The following HNRNPDL variants were observed in gnomAD, a reference collection of about 807,000 sequenced individuals.
HNRNPDL encodes heterogeneous nuclear ribonucleoprotein D-like.
Under a neutral mutation model 48.0 loss-of-function variants are expected in HNRNPDL, and 18 were observed. The ratio of observed to expected loss-of-function variants is 0.38; its 90% CI spans 0.26 to 0.56. The LOEUF (loss-of-function observed/expected upper bound fraction) is 0.56. Among genes scored for constraint, HNRNPDL ranks in the 20% least tolerant of loss-of-function variants. The probability of loss-of-function intolerance (pLI) is 0.77; values close to 1 mark genes in which losing one functional copy is unlikely to be tolerated. For missense variants in HNRNPDL, 553 were observed against 540.7 expected, an observed-to-expected ratio of 1.02 and a Z score of -0.23; for synonymous variants, 306 against 207.3, an observed-to-expected ratio of 1.48 and a Z score of -4.09.
Position 82,429,755 on chromosome 4 carries a change from A to C in HNRNPDL, c.-65T>G. Reference sequence around the variant, plus strand: ...GACGCGGGCTTGGGAGAAGAGAAGAATCAGAAGAGAAAAACGAAGGGGCGT... The same window carrying C: ...GACGCGGGCTTGGGAGAAGAGAAGACTCAGAAGAGAAAAACGAAGGGGCGT... On this transcript the variant is annotated 5_prime_UTR_variant, in exon 1 of 8. Coordinates refer to ENST00000295470, the MANE Select transcript of HNRNPDL (RefSeq NM_031372.4). The C allele has an allele frequency of 8.2e-7, 1 of 1,219,080 alleles. No individual in the cohort carries two copies. Among genetic ancestry groups the C allele is most frequent in the Non-Finnish European group, 1.1e-6 (1 of 949,504 alleles). The allele number at this position is 1,219,080 out of a possible 1,614,324, so 75.5% of individuals were successfully genotyped here. A position where few individuals can be genotyped will look rare whatever the true frequency, so the allele number is the denominator to read the frequency against.
rs1402218615 is a variant in HNRNPDL at position 82,429,605 on chromosome 4, T to C, written c.86A>G (p.His29Arg). The C allele has an allele frequency of 3.0e-6, 4 of 1,321,598 alleles. No homozygotes were observed. The East Asian group carries it at 1.0e-4, about 34-fold the overall frequency. 81.9% of individuals were successfully genotyped at this position (1,321,598 alleles called of 1,614,324 possible). A position where few individuals can be genotyped will look rare whatever the true frequency, so the allele number is the denominator to read the frequency against. ...CTGCCGCGGCGGCCGCGGCCGCCAA[T>C]GGGAGAGGCTGCGGGAGGCTAAAGT... Reference protein sequence around the residue: ...PATLASRSLSHWRPRPPRQLA... With the variant: ...PATLASRSLSRWRPRPPRQLA... Residue 29 changes from histidine to arginine, a missense_variant, in exon 1 of 8, where the codon CAT (histidine) becomes CGT (arginine). Around this residue, in one of 4 missense-constraint regions of HNRNPDL, gnomAD observed 327 missense variants for 203.2 expected, o/e 1.61. Transcript: ENST00000295470.
rs1405192518 is a variant in HNRNPDL, at chr4:82,430,230, G to T, written c.-540C>A. On this transcript the variant is annotated 5_prime_UTR_variant, in exon 1 of 8. Transcript: ENST00000295470. ...GCCCGGGCCCCGCGCGGCCTCTGGC[G>T]GGCTGACGCCGGGAGGAGGGGCGGG... 2.0e-5 allele frequency: 3 copies of T among 152,380 alleles called. No individual in the cohort carries two copies. The highest frequency in any genetic ancestry group is 4.4e-5 in the Non-Finnish European group (3 of 68,244). The allele number at this position is 152,380 out of a possible 1,614,324, so 9.4% of individuals were successfully genotyped here.
Position 82,427,187 on chromosome 4 carries a change from C to T in HNRNPDL, c.1021+3G>A, listed in dbSNP as rs760992923. 7 of 1,588,320 alleles carry T rather than the reference C, an allele frequency of 4.4e-6. No individual in the cohort carries two copies. The highest frequency in any genetic ancestry group is 6.1e-6 in the Non-Finnish European group (7 of 1,156,742). ...GAGTCATATTTCAAGAATTAAGTCT[C>T]ACCTCGGCCACGACCCCTCGTACCA... On this transcript the variant is annotated splice_donor_region_variant and intron_variant, in intron 5 of 7. Transcript: ENST00000295470.
At chr4:82,427,155 A>C (rs1178634743) in intron 5 of HNRNPDL, 35 bp downstream of exon 5, 3 of 1,352,858 alleles carry the variant, frequency 2.2e-6, no homozygotes, top group Admixed American at 3.4e-5. Context: ...AGCTTAAATA[A>C]ACCACGGAGT....
chr4:82,427,990 C>CTTA (rs770701262), intron 3 of HNRNPDL, 28 bp downstream of exon 3: 1 of 1,601,350 alleles, frequency 6.2e-7, no homozygotes, highest in Non-Finnish European at 8.5e-7. Context: ...ACACATCAAG[C>CTTA]TTAACATGTG....
Position 82,427,500 on chromosome 4 carries a change from G to C in HNRNPDL, c.839C>G (p.Thr280Arg), listed in dbSNP as rs1721465038. 1.2e-6 allele frequency: 2 copies of C among 1,609,766 alleles called. No individual in the cohort carries two copies. Among genetic ancestry groups the C allele is most frequent in the African/African-American group, 2.7e-5 (2 of 74,886 alleles). ...TNERRGFCFI[T>R]YTDEEPVKKL... is the part of the protein sequence containing the mutation. ...TTTTACTGGCTCTTCATCAGTATATGTGATAAAACAAAATCCTCTTCTTTC... is the reference window on the plus strand; with the variant it reads ...TTTTACTGGCTCTTCATCAGTATATCTGATAAAACAAAATCCTCTTCTTTC... The change falls in exon 4 of 8, where the codon ACA (threonine) becomes AGA (arginine). Residue 280 changes from threonine (T) to arginine (R), a missense_variant. This residue lies in a region of HNRNPDL where 174 missense variants were observed against 204.6 expected (regional missense o/e 0.85). Coordinates refer to ENST00000295470, the MANE Select transcript of HNRNPDL (RefSeq NM_031372.4).
intron 1 of HNRNPDL, 24 bp downstream of exon 1, chr4:82,429,224 A>G (rs1284284092): frequency 1.9e-6 from 3 of 1,598,350 alleles, no homozygotes; most frequent in South Asian, 1.1e-5. Flanking sequence ...GGGGAGGGGG[A>G]GCGGGGGAAG....
intron 1 of HNRNPDL, among the ~76,000 whole-genome samples, chr4:82,428,681 A>G (rs949713706): frequency 1.3e-5 from 2 of 152,218 alleles, no homozygotes; most frequent in Non-Finnish European, 2.9e-5. Context: ...AGAGACCAAT[A>G]AAATACAGTA....
intron 7 of HNRNPDL, 125 bp from the exon 8 acceptor site, chr4:82,425,008 T>C (rs1721360849): frequency 1.3e-5 from 2 of 152,348 alleles, no homozygotes; most frequent in African/African-American, 4.8e-5. Flanking sequence ...CATATGCATA[T>C]TTATTGGTAA....
Position 82,427,311 on chromosome 4 carries a change from AC to A in HNRNPDL, c.907-8del, listed in dbSNP as rs527520007. 747 of 1,568,724 alleles carry A rather than the reference AC, an allele frequency of 4.8e-4. 1 individual carries two copies. In the African/African-American group the frequency reaches 8.9e-3, roughly 19 times the overall value. ...GTGCAACTTTGATTTCACACTATAA[AC>A]AAAAAACATGAAAGTATAATTTTTA... On this transcript the variant is annotated splice_polypyrimidine_tract_variant and splice_region_variant and intron_variant, in intron 4 of 7. Transcript: ENST00000295470.
intron 1 of HNRNPDL, among the ~76,000 whole-genome samples, chr4:82,429,018 A>T (rs1485282484): frequency 6.6e-6 from 1 of 151,124 alleles, no homozygotes; most frequent in Non-Finnish European, 1.5e-5. Context: ...CGGGACACAG[A>T]CGCCGCCGCC....
intron 3 of HNRNPDL, 38 bp from the exon 4 acceptor site, chr4:82,427,602 T>C: frequency 6.3e-7 from 1 of 1,596,570 alleles, no homozygotes; most frequent in South Asian, 1.1e-5. Flanking sequence ...ATCCCATAAT[T>C]GTAAAACGTT....
At chr4:82,427,153 T>C in intron 5 of HNRNPDL, 37 bp downstream of exon 5, 1 of 1,342,876 alleles carries the variant, frequency 7.4e-7, no homozygotes, top group Non-Finnish European at 1.1e-6. Flanking sequence ...ACAGCTTAAA[T>C]AAACCACGGA....
At position 82,429,452 on chromosome 4, in the gene HNRNPDL, C is replaced by T; in HGVS notation, c.239G>A (p.Arg80Lys). Residue 80 changes from arginine (R) to lysine (K), a missense_variant, in exon 1 of 8, where the codon AGG becomes AAG. Arg to Lys is a conservative substitution (Grantham distance 26). Transcript: ENST00000295470. Reference protein sequence around the residue: ...AGGAAIKGGRRRRPDLFRRHF... With the variant: ...AGGAAIKGGRKRRPDLFRRHF... ...GCGGCGGAAGAGATCCGGGCGCCGC[C>T]TGCGCCCTCCCTTTATAGCCGCCCC... 5 of 1,606,786 alleles carry T rather than the reference C, an allele frequency of 3.1e-6. No homozygotes were observed. Among genetic ancestry groups the T allele is most frequent in the Non-Finnish European group, 4.2e-6 (5 of 1,176,762 alleles).
rs1352181388 is a variant in HNRNPDL, at chr4:82,429,274, G to A, written c.417C>T (p.Asn139=). The change falls in exon 1 of 8, where the codon AAC becomes AAT. Residue 139 remains asparagine, a synonymous_variant. Coordinates refer to ENST00000295470, the MANE Select transcript of HNRNPDL (RefSeq NM_031372.4). ...CGTCATCCTGCTGATTCTTGCTCGC[G>A]TTGATCTTGGATCCCTCTGCGAATT... ...IEEFAEGSKI[N]ASKNQQDDGK... 5 of 1,613,682 alleles carry A rather than the reference G, an allele frequency of 3.1e-6. No homozygotes were observed. Among genetic ancestry groups the A allele is most frequent in the Non-Finnish European group, 4.2e-6 (5 of 1,179,910 alleles).
At chr4:82,426,871 G>A (rs750513951) in intron 5 of HNRNPDL, among the ~76,000 whole-genome samples, 10 of 152,198 alleles carry the variant, frequency 6.6e-5, no homozygotes, top group Admixed American at 3.3e-4. Flanking sequence ...CATTAAAGCC[G>A]AAGACAGGTA....
intron 1 of HNRNPDL, among the ~76,000 whole-genome samples, 166 bp from the exon 2 acceptor site, chr4:82,428,612 C>T (rs1304451638): frequency 6.6e-6 from 1 of 152,194 alleles, no homozygotes; most frequent in Admixed American, 6.5e-5. Context: ...AATATCCCAA[C>T]GAAGTTACTC....
Position 82,423,576 on chromosome 4 carries a change from T to A in HNRNPDL, c.*1330A>T, listed in dbSNP as rs1721282191. ...GAGCATAAGAAACTTACCAGTTTTG[T>A]GAGATCACCCGTTGTGTGAGATCAA... On this transcript the variant is annotated 3_prime_UTR_variant, in exon 8 of 8. Coordinates refer to ENST00000295470, the MANE Select transcript of HNRNPDL (RefSeq NM_031372.4). The A allele has an allele frequency of 6.6e-6, 1 of 151,810 alleles. No homozygotes were observed. The highest frequency in any genetic ancestry group is 2.4e-5 in the African/African-American group (1 of 41,294). The allele number at this position is 151,810 out of a possible 1,614,324, so 9.4% of individuals were successfully genotyped here.
intron 1 of HNRNPDL, 143 bp from the exon 2 acceptor site, chr4:82,428,589 A>C: frequency 1.4e-6 from 1 of 709,082 alleles, no homozygotes; most frequent in Non-Finnish European, 2.3e-6. Flanking sequence ...AATCTATGTC[A>C]CACAAAAATC....
Sources: allele counts gnomAD v4.1 joint callset (sites outside exome capture counted in the v4.1 genomes callset), GRCh38; gene constraint gnomAD v4.1.1; regional missense constraint gnomAD v4.1.1; transcripts MANE v1.5; gene names NCBI Gene and HGNC (gene_info 2026-07-23, HGNC 2026-07-21).